Variants in SH3GL2 observed in about 807,000 individuals in gnomAD.
SH3GL2 encodes the protein SH3 domain containing GRB2 like 2, endophilin A1.
Under a neutral mutation model 46.0 loss-of-function variants are expected in SH3GL2, and 24 were observed. The observed-to-expected ratio is 0.52, with a 90% confidence interval of 0.38 to 0.73. The LOEUF (loss-of-function observed/expected upper bound fraction) is 0.73. SH3GL2 is among the 30% of genes least tolerant of loss of function. The pLI, the probability that SH3GL2 is intolerant of heterozygous loss-of-function variation, is 0.00. For synonymous variants in SH3GL2, 196 were observed against 147.1 expected, an observed-to-expected ratio of 1.33 and a Z score of -2.40; for missense variants, 413 against 424.2, an observed-to-expected ratio of 0.97 and a Z score of 0.23.
intron 1 of SH3GL2, among the ~76,000 whole-genome samples, chr9:17,711,579 T>A (rs1193184991): frequency 6.6e-6 from 1 of 151,840 alleles, no homozygotes; most frequent in Non-Finnish European, 1.5e-5. Flanking sequence ...TTGTATTCCT[T>A]TTTGTCTGAC....
chr9:17,682,316 C>T (rs969783904), intron 1 of SH3GL2, among the ~76,000 whole-genome samples: 2 of 152,124 alleles, frequency 1.3e-5, no homozygotes, highest in African/African-American at 2.4e-5. Context: ...ACCCAAATGC[C>T]CATCAGTGGT....
In SH3GL2 at chr9:17,580,309, C is replaced by T. The variant is rs954252036; in HGVS notation, c.45+1022C>T. Among the ~76,000 whole-genome samples the T allele has an allele frequency of 2.6e-5, 4 of 152,146 alleles. No homozygotes were observed. In the East Asian group the frequency reaches 7.7e-4, roughly 29 times the overall value. ...TCATAGGTTAGCCTTAATTAACGAGCTTTCTCATAATTTCTCGGAAGTAGT... is the reference window on the plus strand; with the variant it reads ...TCATAGGTTAGCCTTAATTAACGAGTTTTCTCATAATTTCTCGGAAGTAGT... On this transcript the variant is annotated intron_variant, in intron 1 of 8. Coordinates refer to ENST00000380607, the MANE Select transcript of SH3GL2 (RefSeq NM_003026.5).
chr9:17,594,829 G>A (rs187041369), intron 1 of SH3GL2, among the ~76,000 whole-genome samples: 35 of 152,168 alleles, frequency 2.3e-4, no homozygotes, highest in African/African-American at 8.0e-4. Context: ...ATTGATAATT[G>A]TTGAATGAAT....
chr9:17,662,981 G>A lies in SH3GL2; in HGVS notation c.45+83694G>A, dbSNP rs138420708. ...GCCTCCCAAAGTGCTGGGATTAGAG[G>A]CGTGAGCCACCGTGCCCAGCTGGCT... On this transcript the variant is annotated intron_variant, in intron 1 of 8. Transcript: ENST00000380607. Among the ~76,000 whole-genome samples, 189 of 152,308 alleles carry A rather than the reference G, an allele frequency of 1.2e-3. 6 individuals are homozygous for A. In the East Asian group the frequency reaches 0.027, roughly 22 times the overall value.
At chr9:17,689,772 C>T (rs1381085857) in intron 1 of SH3GL2, among the ~76,000 whole-genome samples, 1 of 152,118 alleles carries the variant, frequency 6.6e-6, no homozygotes, top group Non-Finnish European at 1.5e-5. Flanking sequence ...TTCTGACCTT[C>T]CTGATTATAA....
intron 7 of SH3GL2, among the ~76,000 whole-genome samples, chr9:17,791,750 C>T (rs958010717): frequency 6.6e-6 from 1 of 152,176 alleles, no homozygotes; most frequent in Non-Finnish European, 1.5e-5. Context: ...AGTAACTAGC[C>T]CAGGGTCACT....
At chr9:17,711,457 C>T (rs1342164840) in intron 1 of SH3GL2, among the ~76,000 whole-genome samples, 1 of 151,876 alleles carries the variant, frequency 6.6e-6, no homozygotes, top group East Asian at 1.9e-4. Context: ...CCAATGCTTT[C>T]TCAAATCCCT....
At chr9:17,705,516 G>A (rs1821449058) in intron 1 of SH3GL2, among the ~76,000 whole-genome samples, 1 of 151,918 alleles carries the variant, frequency 6.6e-6, no homozygotes, top group South Asian at 2.1e-4. Context: ...TAGAAAATAT[G>A]TATCATATGT....
At chr9:17,619,693 T>C in intron 1 of SH3GL2, among the ~76,000 whole-genome samples, 1 of 149,746 alleles carries the variant, frequency 6.7e-6, no homozygotes, top group East Asian at 1.9e-4. Context: ...AAAAATAAAA[T>C]AAAATAAGTG....
chr9:17,664,256 C>T (rs1820291685), intron 1 of SH3GL2, among the ~76,000 whole-genome samples: 1 of 152,132 alleles, frequency 6.6e-6, no homozygotes, highest in Non-Finnish European at 1.5e-5. Context: ...CCCGTGAATA[C>T]ATGTTAGCAA....
intron 1 of SH3GL2, among the ~76,000 whole-genome samples, chr9:17,647,261 A>G (rs1371415211): frequency 6.6e-6 from 1 of 152,332 alleles, no homozygotes; most frequent in South Asian, 2.1e-4. Context: ...CAATGTGCAA[A>G]ACACTGTGCT....
chr9:17,603,785 G>A (rs1326428867), intron 1 of SH3GL2, among the ~76,000 whole-genome samples: 4 of 152,060 alleles, frequency 2.6e-5, no homozygotes, highest in South Asian at 2.1e-4. Context: ...ATTTGAACCC[G>A]GGAGGCGGAG....
At chr9:17,749,516 T>C (rs960610588) in intron 2 of SH3GL2, among the ~76,000 whole-genome samples, 1 of 152,148 alleles carries the variant, frequency 6.6e-6, no homozygotes, top group South Asian at 2.1e-4. Context: ...AATGAAAGAT[T>C]AGGCAGGTAT....
intron 1 of SH3GL2, among the ~76,000 whole-genome samples, chr9:17,721,852 T>C (rs1308564023): frequency 6.6e-6 from 1 of 152,110 alleles, no homozygotes; most frequent in African/African-American, 2.4e-5. Context: ...GTATATCTCC[T>C]ATTGGTTCTG....
In SH3GL2 at chr9:17,791,253, C is replaced by A. The variant is rs1051964069; in HGVS notation, c.647C>A (p.Ser216Tyr). 1.2e-6 allele frequency: 2 copies of A among 1,613,448 alleles called. No individual in the cohort carries two copies. The highest frequency in any genetic ancestry group is 1.7e-6 in the Non-Finnish European group (2 of 1,179,430). Residue 216 changes from serine to tyrosine, a missense_variant, in exon 7 of 9, where the codon TCT becomes TAT. Coordinates refer to ENST00000380607, the MANE Select transcript of SH3GL2 (RefSeq NM_003026.5). ...EMDIEQVSQL[S>Y]ALVQAQLEYH... ...CAGATTGAACAAGTGAGCCAGCTCT[C>A]TGCACTTGTGCAAGCTCAGCTGGAG...
At chr9:17,582,836 A>G (rs535775426) in intron 1 of SH3GL2, among the ~76,000 whole-genome samples, 1 of 152,256 alleles carries the variant, frequency 6.6e-6, no homozygotes, top group East Asian at 1.9e-4. Context: ...TTTGTTGGGA[A>G]TCTTTGGGCT....
chr9:17,688,934 A>G (rs1274018015), intron 1 of SH3GL2, among the ~76,000 whole-genome samples: 1 of 152,090 alleles, frequency 6.6e-6, no homozygotes, highest in Non-Finnish European at 1.5e-5. Context: ...TTTAAGTGTG[A>G]CATGCTCATA....
intron 1 of SH3GL2, among the ~76,000 whole-genome samples, chr9:17,691,858 A>G (rs967484619): frequency 3.9e-5 from 6 of 152,146 alleles, no homozygotes; most frequent in African/African-American, 1.4e-4. Context: ...GTTATTACAA[A>G]GTACTATATA....
chr9:17,601,124 G>T (rs372449850), intron 1 of SH3GL2, among the ~76,000 whole-genome samples: 51 of 152,266 alleles, frequency 3.3e-4, no homozygotes, highest in African/African-American at 1.2e-3. Context: ...CTTTTTTGCA[G>T]TGCTCAACGT....
Sources: allele counts gnomAD v4.1 joint callset (sites outside exome capture counted in the v4.1 genomes callset), GRCh38; gene constraint gnomAD v4.1.1; transcripts MANE v1.5; gene names NCBI Gene and HGNC (gene_info 2026-07-23, HGNC 2026-07-21).